Variants in PHF7 observed in about 807,000 individuals in gnomAD.
PHF7 encodes the protein E3 ubiquitin-protein ligase PHF7.
In PHF7, 24 loss-of-function variants were observed where a neutral mutation model predicts 47.5. That is an observed-to-expected ratio of 0.51 (90% CI 0.37 to 0.71). The LOEUF (loss-of-function observed/expected upper bound fraction) is 0.71, where lower values mean the gene tolerates loss of function less well. Among genes scored for constraint, PHF7 ranks in the 30% least tolerant of loss-of-function variants. PHF7 has a pLI of 0.00. For missense variants in PHF7, 361 were observed against 456.8 expected (o/e 0.79, Z 1.91); for synonymous variants, 156 against 153.8 (o/e 1.01, Z -0.11).
intron 10 of PHF7, 23 bp from the exon 11 acceptor site, chr3:52,423,068 C>A: frequency 6.4e-7 from 1 of 1,557,488 alleles, no homozygotes; most frequent in South Asian, 1.1e-5. Flanking sequence ...TTGAGTTTTC[C>A]TCTCCTGCCT....
intron 4 of PHF7, among the ~76,000 whole-genome samples, chr3:52,417,535 T>G (rs1227476493): frequency 6.6e-6 from 1 of 152,240 alleles, no homozygotes; most frequent in African/African-American, 2.4e-5. Flanking sequence ...AAATATTCTG[T>G]GGTTATGCTA....
Sources: allele counts gnomAD v4.1 joint callset (sites outside exome capture counted in the v4.1 genomes callset), GRCh38; gene constraint gnomAD v4.1.1; transcripts MANE v1.5; gene names NCBI Gene and HGNC (gene_info 2026-07-23, HGNC 2026-07-21).